TRMT11: variants seen among roughly 807,000 people sequenced by gnomAD.
TRMT11 encodes the protein tRNA (guanine(10)-N(2))-methyltransferase TRMT11.
Under a neutral mutation model 62.8 loss-of-function variants are expected in TRMT11, and 53 were observed. The observed-to-expected ratio is 0.84, with a 90% CI of 0.68 to 1.06. TRMT11 has a LOEUF of 1.06. TRMT11 is among the 50% of genes least tolerant of loss of function. The probability of loss-of-function intolerance (pLI) is 0.00; values close to 1 mark genes in which losing one functional copy is unlikely to be tolerated. For synonymous variants in TRMT11, 188 were observed against 190.3 expected, an observed-to-expected ratio of 0.99 and a Z score of 0.10; for missense variants, 556 against 553.4, an observed-to-expected ratio of 1.00 and a Z score of -0.05.
At chr6:126,063,031 A>G (rs1776582653) in intron 17 of TRMT11, among the ~76,000 whole-genome samples, 1 of 152,196 alleles carries the variant, frequency 6.6e-6, no homozygotes, top group Non-Finnish European at 1.5e-5. Context: ...ATGTTTCATA[A>G]TAGATAAATA....
chr6:126,143,610 A>G (rs575739631), intron 21 of TRMT11, among the ~76,000 whole-genome samples: 1 of 152,282 alleles, frequency 6.6e-6, no homozygotes, highest in African/African-American at 2.4e-5. Context: ...TAATTTACCA[A>G]CACGGAAGAA....
intron 6 of TRMT11, 144 bp downstream of exon 6, chr6:125,998,828 T>C (rs1792028842): frequency 1.3e-6 from 1 of 746,392 alleles, no homozygotes; most frequent in Non-Finnish European, 2.1e-6. Context: ...GAGTATGTGA[T>C]TATGTTTTGT....
the TRMT11 span, among the ~76,000 whole-genome samples, chr6:126,226,193 A>G: frequency 6.6e-6 from 1 of 152,216 alleles, no homozygotes; most frequent in African/African-American, 2.4e-5. Context: ...ACCATAGGAC[A>G]AGAGGAAAAA....
At chr6:126,218,835 G>T in the TRMT11 span, among the ~76,000 whole-genome samples, 1 of 152,186 alleles carries the variant, frequency 6.6e-6, no homozygotes, top group African/African-American at 2.4e-5. Context: ...TAGAACCTAA[G>T]ATCACTTTAG....
intron 17 of TRMT11, among the ~76,000 whole-genome samples, chr6:126,112,766 C>G (rs969999740): frequency 2.6e-5 from 4 of 151,986 alleles, no homozygotes; most frequent in Non-Finnish European, 5.9e-5. Flanking sequence ...CGTTAGTTGC[C>G]TATGTTCCTC....
intron 17 of TRMT11, among the ~76,000 whole-genome samples, chr6:126,103,443 A>G (rs1777426041): frequency 6.6e-6 from 1 of 152,200 alleles, no homozygotes; most frequent in South Asian, 2.1e-4. Flanking sequence ...CAACACACAT[A>G]TATTTCTGTA....
intron 16 of TRMT11, among the ~76,000 whole-genome samples, chr6:126,049,791 C>T (rs1455961310): frequency 6.6e-6 from 1 of 152,148 alleles, no homozygotes; most frequent in African/African-American, 2.4e-5. Context: ...TAAGCCAGAA[C>T]ATTACAAATT....
At chr6:125,998,483 A>G (rs1791960701) in intron 5 of TRMT11, 67 bp from the exon 6 acceptor site, 1 of 1,508,976 alleles carries the variant, frequency 6.6e-7, no homozygotes, top group Non-Finnish European at 9.0e-7. Context: ...AGGTAATGTT[A>G]TTAGATAAGC....
At chr6:126,167,816 C>T (rs567249784) in intron 21 of TRMT11, among the ~76,000 whole-genome samples, 2 of 152,178 alleles carry the variant, frequency 1.3e-5, no homozygotes, top group Non-Finnish European at 2.9e-5. Flanking sequence ...CCACCTCGGA[C>T]ATATGTTTCT....
chr6:126,137,860 C>T (rs1323152328), intron 21 of TRMT11, among the ~76,000 whole-genome samples: 3 of 151,650 alleles, frequency 2.0e-5, no homozygotes, highest in African/African-American at 7.3e-5. Context: ...GTGAAATAAG[C>T]CAGTCACAGA....
At chr6:126,247,463 AT>A in the TRMT11 span, among the ~76,000 whole-genome samples, 1 of 144,894 alleles carries the variant, frequency 6.9e-6, no homozygotes, top group Non-Finnish European at 1.5e-5. Context: ...CTATCTATCT[AT>A]CTATCTATCT....
intron 12 of TRMT11, among the ~76,000 whole-genome samples, chr6:126,037,810 A>G (rs936363707): frequency 2.6e-5 from 4 of 152,072 alleles, no homozygotes; most frequent in Admixed American, 2.6e-4. Flanking sequence ...GTTATATTCC[A>G]GATATATTTT....
At chr6:126,202,396 T>C (rs1310538005), downstream of TRMT11, among the ~76,000 whole-genome samples, 1 of 152,230 alleles carries the variant, frequency 6.6e-6, no homozygotes, top group Non-Finnish European at 1.5e-5. Flanking sequence ...TTCTAAGGCT[T>C]GCATGTGCCT....
At chr6:126,267,828 T>A in the TRMT11 span, among the ~76,000 whole-genome samples, 1 of 152,224 alleles carries the variant, frequency 6.6e-6, no homozygotes, top group Non-Finnish European at 1.5e-5. Flanking sequence ...TGACCTCTCC[T>A]GTTCCTTGTT....
chr6:126,246,863 T>A, the TRMT11 span, among the ~76,000 whole-genome samples: 1 of 152,326 alleles, frequency 6.6e-6, no homozygotes, highest in Non-Finnish European at 1.5e-5. Flanking sequence ...CAGAGACACA[T>A]GCAAACTATT....
At chr6:126,260,549 G>A in the TRMT11 span, among the ~76,000 whole-genome samples, 1 of 152,104 alleles carries the variant, frequency 6.6e-6, no homozygotes, top group Non-Finnish European at 1.5e-5. Flanking sequence ...TGTTTTCATG[G>A]TAGTAATTAT....
chr6:126,245,450 G>T, the TRMT11 span, among the ~76,000 whole-genome samples: 10 of 152,294 alleles, frequency 6.6e-5, no homozygotes, highest in African/African-American at 2.4e-4. Flanking sequence ...AACTTAAAGG[G>T]CAACTGTTAA....
chr6:126,115,477 T>G (rs903365839), exon 20 of TRMT11, among the ~76,000 whole-genome samples: 1 of 152,144 alleles, frequency 6.6e-6, no homozygotes, highest in African/African-American at 2.4e-5. Flanking sequence ...TTCAGTCACC[T>G]GATATTTGAA....
chr6:126,144,976 A>G (rs1020726827), intron 21 of TRMT11, among the ~76,000 whole-genome samples: 1 of 152,162 alleles, frequency 6.6e-6, no homozygotes, highest in Non-Finnish European at 1.5e-5. Flanking sequence ...TCACCTTTCC[A>G]TGCCAATAAA....
Sources: gnomAD v4.1 joint callset for allele counts (sites outside exome capture counted in the v4.1 genomes callset) on GRCh38, gnomAD v4.1.1 for gene constraint, MANE v1.5 for transcripts, NCBI Gene and HGNC (gene_info 2026-07-23, HGNC 2026-07-21) for gene names.